G3BP2: variants seen among roughly 807,000 people sequenced by gnomAD.
G3BP2 encodes ras GTPase-activating protein-binding protein 2.
Under a neutral mutation model 56.7 loss-of-function variants are expected in G3BP2, and 11 were observed. The ratio of observed to expected loss-of-function variants is 0.19; its 90% CI spans 0.12 to 0.32. The LOEUF is 0.32. Among genes scored for constraint, G3BP2 ranks in the 10% least tolerant of loss-of-function variants. G3BP2 has a pLI of 1.00. For synonymous variants in G3BP2, 165 were observed against 191.6 expected, an observed-to-expected ratio of 0.86 and a Z score of 1.15; for missense variants, 340 against 610.9, an observed-to-expected ratio of 0.56 and a Z score of 4.67.
chr4:75,690,160 G>A (rs780637035), intron 3 of G3BP2, among the ~76,000 whole-genome samples: 17 of 152,272 alleles, frequency 1.1e-4, no homozygotes, highest in Non-Finnish European at 2.2e-4. Context: ...GAGGACAGGC[G>A]CGGTGGCTCA....
intron 3 of G3BP2, among the ~76,000 whole-genome samples, chr4:75,687,593 G>C (rs1054775100): frequency 2.0e-5 from 3 of 152,336 alleles, no homozygotes; most frequent in South Asian, 2.1e-4. Flanking sequence ...CGAATGATTT[G>C]TAACTCTTTG....
intron 10 of G3BP2, 81 bp from the exon 11 acceptor site, chr4:75,646,537 C>A: frequency 2.4e-6 from 2 of 848,976 alleles, no homozygotes; most frequent in South Asian, 2.8e-5. Flanking sequence ...GGATGAATAT[C>A]GTTATCTCCC....
chr4:75,657,281 C>A (rs1230091110), intron 4 of G3BP2, among the ~76,000 whole-genome samples: 1 of 152,158 alleles, frequency 6.6e-6, no homozygotes, highest in Non-Finnish European at 1.5e-5. Flanking sequence ...AAGAACTCTT[C>A]TATTTTGTTT....
intron 9 of G3BP2, among the ~76,000 whole-genome samples, chr4:75,648,166 G>A (rs1303284690): frequency 6.6e-6 from 1 of 151,910 alleles, no homozygotes; most frequent in African/African-American, 2.4e-5. Context: ...TGGCCAACAT[G>A]GTGAAACCCT....
intron 3 of G3BP2, among the ~76,000 whole-genome samples, chr4:75,658,456 C>T (rs1016894821): frequency 1.9e-4 from 28 of 149,826 alleles, no homozygotes; most frequent in African/African-American, 6.6e-4. Flanking sequence ...GCCGGCCGGG[C>T]GCGGTGGCTC....
At chr4:75,654,580 C>T (rs1731943852) in intron 7 of G3BP2, among the ~76,000 whole-genome samples, 2 of 152,172 alleles carry the variant, frequency 1.3e-5, no homozygotes, top group Non-Finnish European at 2.9e-5. Flanking sequence ...AAAGAAGTTT[C>T]AGGTAGGCTT....
rs371375042 is a variant in G3BP2 at position 75,655,885 on chromosome 4, T to C, written c.443-15A>G. 1.2e-5 allele frequency: 14 copies of C among 1,214,998 alleles called. No individual in the cohort carries two copies. The highest frequency in any genetic ancestry group is 1.0e-4 in the Admixed American group (6 of 59,152). The allele number at this position is 1,214,998 out of a possible 1,614,324, so 75.3% of individuals were successfully genotyped here. A position where few individuals can be genotyped will look rare whatever the true frequency, so the allele number is the denominator to read the frequency against. On this transcript the variant is annotated splice_polypyrimidine_tract_variant and intron_variant, in intron 5 of 11. Coordinates refer to ENST00000359707, the MANE Select transcript of G3BP2 (RefSeq NM_203505.3). ...ATCTTCTGATTCTGAAAATACATAA[T>C]ACAGCACATCTTTTTTAAAGAGGCT...
chr4:75,655,449 A>C (rs1465008737), intron 6 of G3BP2, among the ~76,000 whole-genome samples: 2 of 152,214 alleles, frequency 1.3e-5, no homozygotes, highest in Admixed American at 1.3e-4. Context: ...CCACCATTTC[A>C]AAACTGAATT....
intron 3 of G3BP2, among the ~76,000 whole-genome samples, chr4:75,701,185 T>A (rs2149095229): frequency 6.6e-6 from 1 of 152,204 alleles, no homozygotes; most frequent in East Asian, 1.9e-4. Flanking sequence ...AAAATATTTT[T>A]CTTATCCCCC....
rs1039754523 is a variant in G3BP2, at chr4:75,685,142, C to T, written c.-24-23093G>A. Among the ~76,000 whole-genome samples the T allele has an allele frequency of 4.6e-5, 7 of 151,014 alleles. No homozygotes were observed. In the South Asian group the frequency reaches 6.3e-4, roughly 13 times the overall value. On this transcript the variant is annotated intron_variant, in intron 3 of 3. Coordinates refer to the G3BP2 transcript ENST00000499709. Reference sequence around the variant, plus strand: ...CATTTCTTTGCAACTTCCTATTAATCTATACATATTTTATTTTGAAAATAA... The same window carrying T: ...CATTTCTTTGCAACTTCCTATTAATTTATACATATTTTATTTTGAAAATAA...
chr4:75,697,836 A>G (rs1719185557), intron 3 of G3BP2, among the ~76,000 whole-genome samples: 1 of 152,178 alleles, frequency 6.6e-6, no homozygotes, highest in African/African-American at 2.4e-5. Flanking sequence ...CAGGAGGCTG[A>G]GGCAGGAGAA....
At chr4:75,717,466 G>A (rs775102075) in intron 3 of G3BP2, among the ~76,000 whole-genome samples, 1 of 152,114 alleles carries the variant, frequency 6.6e-6, no homozygotes, top group Admixed American at 6.6e-5. Flanking sequence ...GGCCCAGTCT[G>A]ATCTCAAGAG....
At chr4:75,670,241 T>G (rs1733380597) in intron 1 of G3BP2, 1 of 152,214 alleles carries the variant, frequency 6.6e-6, no homozygotes, top group Admixed American at 6.5e-5. Flanking sequence ...GTTTATTTAT[T>G]TTAATTGAAC....
intron 1 of G3BP2, among the ~76,000 whole-genome samples, chr4:75,669,560 A>T (rs1336882243): frequency 1.3e-5 from 2 of 152,364 alleles, no homozygotes; most frequent in East Asian, 3.8e-4. Context: ...ACAGAAATCC[A>T]GTCTGACATT....
upstream of G3BP2, among the ~76,000 whole-genome samples, chr4:75,674,718 A>ATATGT (rs1241041465): frequency 1.4e-5 from 1 of 71,432 alleles, no homozygotes; most frequent in African/African-American, 5.9e-5. Flanking sequence ...ATATATATAT[A>ATATGT]TTTTTTTTTT....
rs1338405005 is a variant in G3BP2 at position 75,648,629 on chromosome 4, G to A, written c.928+10C>T. 2.8e-6 allele frequency: 4 copies of A among 1,430,782 alleles called. No individual in the cohort carries two copies. In the South Asian group the frequency reaches 4.6e-5, roughly 16 times the overall value. The allele number at this position is 1,430,782 out of a possible 1,614,324, so 88.6% of individuals were successfully genotyped here. A position where few individuals can be genotyped will look rare whatever the true frequency, so the allele number is the denominator to read the frequency against. ...GTTAAATGCTAAAGGCTATAAAGGA[G>A]CTGACTCACCTGGTCTTGGTCCTCT... On this transcript the variant is annotated intron_variant, in intron 9 of 11. Coordinates refer to ENST00000359707, the MANE Select transcript of G3BP2 (RefSeq NM_203505.3).
intron 3 of G3BP2, among the ~76,000 whole-genome samples, chr4:75,709,419 C>CAAA (rs34603185): frequency 0.3 from 13,918 of 46,832 alleles, 3,168 homozygotes; most frequent in East Asian, 0.74. Flanking sequence ...GACTCCGTCT[C>CAAA]AAAAAAAAAA....
At chr4:75,679,820 C>A (rs1297547039) in intron 3 of G3BP2, among the ~76,000 whole-genome samples, 1 of 152,108 alleles carries the variant, frequency 6.6e-6, no homozygotes, top group Non-Finnish European at 1.5e-5. Context: ...AGCCATGATG[C>A]CAGCTAAAAG....
In G3BP2 at chr4:75,647,015, A is replaced by G. The variant is rs1191521054; in HGVS notation, c.1057+14T>C. The G allele has an allele frequency of 6.5e-7, 1 of 1,543,778 alleles. No homozygotes were observed. The highest frequency in any genetic ancestry group is 1.4e-5 in the African/African-American group (1 of 72,256). The stretch of plus-strand genomic sequence containing the variant: ...AATAATTTAAAAACTCCAACAGCAA[A>G]ATAAATCACTTACTCATGAAGAATT... On this transcript the variant is annotated intron_variant, in intron 10 of 11. Coordinates refer to ENST00000359707, the MANE Select transcript of G3BP2 (RefSeq NM_203505.3).
Sources: allele counts gnomAD v4.1 joint callset (sites outside exome capture counted in the v4.1 genomes callset), GRCh38; gene constraint gnomAD v4.1.1; transcripts MANE v1.5; gene names NCBI Gene and HGNC (gene_info 2026-07-23, HGNC 2026-07-21).